The following TGM5 variants were observed in gnomAD, a reference collection of about 807,000 sequenced individuals.
The protein encoded by TGM5 is transglutaminase 5.
TGM5 carries 69 observed loss-of-function variants against 77.2 expected under a neutral mutation model. The observed-to-expected ratio is 0.89, with a 90% confidence interval of 0.74 to 1.09. The LOEUF is 1.09. TGM5 is among the 50% of genes least tolerant of loss of function. TGM5 has a pLI of 0.00. For missense variants in TGM5, 842 were observed against 896.5 expected (o/e 0.94, Z 0.78); for synonymous variants, 346 against 351.8 (o/e 0.98, Z 0.18).
chr15:43,241,358 GC>G (rs1440210320), intron 6 of TGM5: 5 of 342,348 alleles, frequency 1.5e-5, no homozygotes, highest in African/African-American at 1.1e-4. Flanking sequence ...CCATCTTCAA[GC>G]CAAAGCTGGA....
In TGM5 at chr15:43,233,683, A is replaced by G. The variant is rs1258588011; in HGVS notation, c.1880T>C (p.Leu627Pro). The G allele has an allele frequency of 6.2e-7, 1 of 1,614,170 alleles. No homozygotes were observed. The highest frequency in any genetic ancestry group is 1.1e-5 in the South Asian group (1 of 91,076). Reference protein sequence around the residue: ...LSYPSITINVLGAAVVNQPLS... With the variant: ...LSYPSITINVPGAAVVNQPLS... ...TGGCTGGTTCACAACGGCTGCTCCTAGAACCTAAACAGACCAGGAGGGGAA... is the reference window on the plus strand; with the variant it reads ...TGGCTGGTTCACAACGGCTGCTCCTGGAACCTAAACAGACCAGGAGGGGAA... The change falls in exon 12 of 13, where the codon CTA becomes CCA. Residue 627 changes from leucine (L) to proline (P), a missense_variant. By Grantham distance (98) the Leu-to-Pro change is moderately conservative. Around this residue, in one of 2 missense-constraint regions of TGM5, gnomAD observed 815 missense variants for 844.6 expected, o/e 0.96. Coordinates refer to ENST00000220420, the MANE Select transcript of TGM5 (RefSeq NM_201631.4).
intron 1 of TGM5, among the ~76,000 whole-genome samples, chr15:43,260,959 A>C (rs1024450459): frequency 5.9e-5 from 9 of 151,804 alleles, no homozygotes; most frequent in Non-Finnish European, 7.4e-5. Context: ...TCTTGGACTC[A>C]AGTTAACAGT....
chr15:43,233,581 C>CAG lies in TGM5; in HGVS notation c.1981_1982insCT (p.Gly661AlafsTer41), dbSNP rs777255086. 2.5e-6 allele frequency: 4 copies of CAG among 1,614,058 alleles called. No individual in the cohort carries two copies. The highest frequency in any genetic ancestry group is 3.4e-6 in the Non-Finnish European group (4 of 1,180,044). On this transcript the variant is annotated frameshift_variant, in exon 12 of 13. Coordinates refer to ENST00000220420, the MANE Select transcript of TGM5 (RefSeq NM_201631.4). LOFTEE classifies it high-confidence loss of function. ...GACTTTCTGCTGTTTCTTGAAGAGG[C>CAG]CACTTCCTTCCACAGTCAGCACACA...
At chr15:43,247,158 C>CAAAAA (rs763763932) in intron 6 of TGM5, among the ~76,000 whole-genome samples, 1 of 53,658 alleles carries the variant, frequency 1.9e-5, no homozygotes. Flanking sequence ...GACTCTGTCT[C>CAAAAA]AAAAAAAAAA....
At chr15:43,236,181 C>A (rs1455982145) in intron 9 of TGM5, among the ~76,000 whole-genome samples, 2 of 152,110 alleles carry the variant, frequency 1.3e-5, no homozygotes, top group Admixed American at 1.3e-4. Flanking sequence ...GCAAACCTGC[C>A]CAACTCTAAA....
At chr15:43,256,410 A>G (rs910203779) in intron 4 of TGM5, among the ~76,000 whole-genome samples, 158 bp downstream of exon 4, 2 of 152,124 alleles carry the variant, frequency 1.3e-5, no homozygotes, top group South Asian at 4.1e-4. Flanking sequence ...CCCACTCCCT[A>G]TGGCTGCTCC....
intron 6 of TGM5, among the ~76,000 whole-genome samples, chr15:43,248,286 C>T (rs1185128653): frequency 6.6e-6 from 1 of 152,194 alleles, no homozygotes; most frequent in Non-Finnish European, 1.5e-5. Flanking sequence ...CATTTTCCTG[C>T]CTCAGCCTCC....
chr15:43,253,359 A>T lies in TGM5; in HGVS notation c.684+147T>A, dbSNP rs2142374139. ...AGCTATTTCAGAGCTCGGCTGAGAA[A>T]ACTTGTCACCCACATTCTGGCGTCA... On this transcript the variant is annotated intron_variant, in intron 5 of 12. Coordinates refer to ENST00000220420, the MANE Select transcript of TGM5 (RefSeq NM_201631.4). 2.6e-6 allele frequency: 3 copies of T among 1,152,642 alleles called. No individual in the cohort carries two copies. In the East Asian group the frequency reaches 7.6e-5, roughly 29 times the overall value. The allele number at this position is 1,152,642 out of a possible 1,614,324, so 71.4% of individuals were successfully genotyped here. A position where few individuals can be genotyped will look rare whatever the true frequency, so the allele number is the denominator to read the frequency against.
intron 7 of TGM5, 29 bp downstream of exon 7, chr15:43,240,823 T>C: frequency 6.2e-7 from 1 of 1,613,660 alleles, no homozygotes; most frequent in Non-Finnish European, 8.5e-7. Context: ...TGTGTGGCCC[T>C]AGAAATAGGT....
At chr15:43,237,959 C>T (rs1322345717) in intron 9 of TGM5, among the ~76,000 whole-genome samples, 1 of 152,214 alleles carries the variant, frequency 6.6e-6, no homozygotes, top group Non-Finnish European at 1.5e-5. Context: ...AAGATGAGGC[C>T]GGAGGCCCCA....
chr15:43,233,197 T>C lies in TGM5; in HGVS notation c.2157A>G (p.Ala719=), dbSNP rs1220328596. ...TGGCGCGTTGTTCCAGAATTTATAA[T>C]GCAAAGTCTACATAAACATTCCTGT... The part of the protein sequence containing the change: ...KGYRNVYVDF[A]L Residue 719 remains alanine, a synonymous_variant, in exon 13 of 13, where the codon GCA becomes GCG. Transcript: ENST00000220420. The C allele has an allele frequency of 6.2e-7, 1 of 1,614,184 alleles. No individual in the cohort carries two copies. The highest frequency in any genetic ancestry group is 8.5e-7 in the Non-Finnish European group (1 of 1,180,048).
chr15:43,245,231 G>C (rs898348078), intron 6 of TGM5, among the ~76,000 whole-genome samples: 2 of 152,078 alleles, frequency 1.3e-5, no homozygotes, highest in Non-Finnish European at 2.9e-5. Context: ...TAGCTTTACT[G>C]CCACACTCCC....
chr15:43,252,670 G>C, intron 6 of TGM5, 89 bp downstream of exon 6: 1 of 1,508,082 alleles, frequency 6.6e-7, no homozygotes, highest in Middle Eastern at 2.3e-4. Flanking sequence ...GGTGGGAACT[G>C]TGTGGGACTG....
At chr15:43,247,018 C>T (rs905571602) in intron 6 of TGM5, among the ~76,000 whole-genome samples, 4 of 151,942 alleles carry the variant, frequency 2.6e-5, no homozygotes, top group Non-Finnish European at 4.4e-5. Context: ...ATTAGCCGGG[C>T]GTGGTGTTGG....
intron 6 of TGM5, among the ~76,000 whole-genome samples, chr15:43,243,706 C>T (rs2042654037): frequency 6.6e-6 from 1 of 152,168 alleles, no homozygotes; most frequent in Admixed American, 6.5e-5. Flanking sequence ...CACTTCTGTG[C>T]CCAGGACTCT....
chr15:43,240,584 A>C (rs1332312655), intron 7 of TGM5, among the ~76,000 whole-genome samples: 1 of 151,954 alleles, frequency 6.6e-6, no homozygotes, highest in Non-Finnish European at 1.5e-5. Context: ...TGGAGGTGAC[A>C]AAGATGAAAA....
chr15:43,240,736 G>A (rs2042629183), intron 7 of TGM5, 116 bp downstream of exon 7: 1 of 1,360,464 alleles, frequency 7.4e-7, no homozygotes, highest in South Asian at 1.2e-5. Flanking sequence ...GTGAGGGGGT[G>A]TGGAGGAGGT....
chr15:43,242,453 C>T (rs1330560828), intron 6 of TGM5, among the ~76,000 whole-genome samples: 1 of 152,164 alleles, frequency 6.6e-6, no homozygotes, highest in Non-Finnish European at 1.5e-5. Context: ...GATCAATATC[C>T]CCCCTCCCCT....
Position 43,234,752 on chromosome 15 carries a change from G to T in TGM5, c.1875+17C>A, listed in dbSNP as rs764584355. ...ATCCAAGGAGCCCCACAAGCCATTT[G>T]CAGGACTCCTGCCTACATTAATCGT... On this transcript the variant is annotated intron_variant, in intron 11 of 12. Coordinates refer to ENST00000220420, the MANE Select transcript of TGM5 (RefSeq NM_201631.4). The T allele has an allele frequency of 5.0e-6, 8 of 1,613,924 alleles. No individual in the cohort carries two copies. The African/African-American group carries it at 5.3e-5, about 11-fold the overall frequency.
Sources: gnomAD v4.1 joint callset for allele counts (sites outside exome capture counted in the v4.1 genomes callset) on GRCh38, gnomAD v4.1.1 for gene constraint, gnomAD v4.1.1 regional missense constraint, MANE v1.5 for transcripts, NCBI Gene and HGNC (gene_info 2026-07-23, HGNC 2026-07-21) for gene names.